Variants in IMMP2L observed in about 807,000 individuals in gnomAD.
The protein encoded by IMMP2L is mitochondrial inner membrane protease subunit 2.
A neutral mutation model predicts 19.3 loss-of-function variants in IMMP2L; 18 were observed. The ratio of observed to expected loss-of-function variants is 0.93; its 90% confidence interval spans 0.64 to 1.38. The LOEUF (loss-of-function observed/expected upper bound fraction) is 1.38. Among genes scored for constraint, IMMP2L ranks in the 40% most tolerant of loss-of-function variants. IMMP2L has a pLI of 0.00. For synonymous variants in IMMP2L, 76 were observed against 73.0 expected (o/e 1.04, Z -0.21); for missense variants, 233 against 218.2 (o/e 1.07, Z -0.43).
chr7:111,343,531 G>A (rs1827234612), intron 3 of IMMP2L, among the ~76,000 whole-genome samples: 2 of 152,136 alleles, frequency 1.3e-5, no homozygotes, highest in Admixed American at 6.6e-5. Context: ...CGCACCCAGT[G>A]CTTCACTCCT....
At chr7:111,093,673 A>G (rs759064499) in intron 3 of IMMP2L, among the ~76,000 whole-genome samples, 1 of 152,190 alleles carries the variant, frequency 6.6e-6, no homozygotes, top group Non-Finnish European at 1.5e-5. Flanking sequence ...TGCCCACTTC[A>G]GTCTGAGAAA....
At chr7:111,328,218 C>T (rs1825520779) in intron 3 of IMMP2L, among the ~76,000 whole-genome samples, 1 of 151,660 alleles carries the variant, frequency 6.6e-6, no homozygotes, top group Non-Finnish European at 1.5e-5. Flanking sequence ...GTCAATACAG[C>T]TGGGGTTCTT....
intron 3 of IMMP2L, among the ~76,000 whole-genome samples, chr7:111,312,456 A>G (rs1249781078): frequency 2.6e-5 from 4 of 152,182 alleles, no homozygotes; most frequent in African/African-American, 7.2e-5. Context: ...CTGCAATGAT[A>G]AAAGACAAGA....
intron 3 of IMMP2L, among the ~76,000 whole-genome samples, chr7:111,054,846 A>G (rs61554899): frequency 0.027 from 4,158 of 152,264 alleles, 183 homozygotes; most frequent in African/African-American, 0.095. Flanking sequence ...CGATGTGATA[A>G]ATTTAAAGAA....
intron 5 of IMMP2L, among the ~76,000 whole-genome samples, chr7:110,689,028 C>CCTG (rs1282639234): frequency 4.0e-5 from 6 of 149,598 alleles, no homozygotes; most frequent in Non-Finnish European, 7.4e-5. Flanking sequence ...AAAGTGTTGT[C>CCTG]CTGCAACCAA....
chr7:110,685,860 A>T (rs1047348250), intron 5 of IMMP2L, among the ~76,000 whole-genome samples: 1 of 152,124 alleles, frequency 6.6e-6, no homozygotes, highest in Non-Finnish European at 1.5e-5. Context: ...AATGAACAAA[A>T]GAAGAATGGA....
intron 5 of IMMP2L, among the ~76,000 whole-genome samples, chr7:110,815,273 G>T (rs1426677937): frequency 6.6e-6 from 1 of 152,094 alleles, no homozygotes; most frequent in Non-Finnish European, 1.5e-5. Flanking sequence ...TACATTTATT[G>T]ATTTGCGTAT....
At chr7:110,723,568 A>G (rs1052710473) in intron 5 of IMMP2L, among the ~76,000 whole-genome samples, 2 of 152,190 alleles carry the variant, frequency 1.3e-5, no homozygotes, top group Admixed American at 1.3e-4. Context: ...CTGATTAGCA[A>G]TTGTAGTAGT....
intron 3 of IMMP2L, among the ~76,000 whole-genome samples, chr7:110,966,616 T>A (rs949042692): frequency 6.6e-6 from 1 of 152,046 alleles, no homozygotes; most frequent in African/African-American, 2.4e-5. Context: ...GAGCTATCTA[T>A]ATAATTAAAG....
At chr7:110,800,906 CA>C in intron 5 of IMMP2L, among the ~76,000 whole-genome samples, 1 of 152,192 alleles carries the variant, frequency 6.6e-6, no homozygotes, top group East Asian at 1.9e-4. Context: ...CTCTATTCCA[CA>C]AGTCTTAGTC....
chr7:110,890,177 C>G (rs941891239), intron 4 of IMMP2L, among the ~76,000 whole-genome samples: 1 of 151,780 alleles, frequency 6.6e-6, no homozygotes. Context: ...TCTTTTTTTT[C>G]TTTTGCTCCT....
intron 5 of IMMP2L, among the ~76,000 whole-genome samples, chr7:110,879,653 A>T (rs1462038600): frequency 6.6e-6 from 1 of 152,134 alleles, no homozygotes; most frequent in Non-Finnish European, 1.5e-5. Context: ...CCATGTATAT[A>T]ATAGCTATTA....
chr7:110,918,164 G>A (rs982575295), intron 4 of IMMP2L, among the ~76,000 whole-genome samples: 1 of 152,078 alleles, frequency 6.6e-6, no homozygotes, highest in African/African-American at 2.4e-5. Context: ...TGATATTATA[G>A]CCTAAGATAG....
At chr7:110,880,915 A>G (rs1179789253) in intron 5 of IMMP2L, among the ~76,000 whole-genome samples, 1 of 152,144 alleles carries the variant, frequency 6.6e-6, no homozygotes, top group Non-Finnish European at 1.5e-5. Context: ...CATGTGGAAA[A>G]TGATTTCTAC....
intron 3 of IMMP2L, among the ~76,000 whole-genome samples, chr7:110,967,104 T>G (rs936064723): frequency 6.6e-6 from 1 of 152,090 alleles, no homozygotes; most frequent in African/African-American, 2.4e-5. Context: ...CTCCAGAGAC[T>G]TGGATGAGGA....
chr7:111,051,351 G>A (rs976572450), intron 3 of IMMP2L, among the ~76,000 whole-genome samples: 1 of 152,142 alleles, frequency 6.6e-6, no homozygotes, highest in African/African-American at 2.4e-5. Context: ...GCATAGGAAA[G>A]TCTTCAGGAA....
chr7:110,675,943 A>C (rs1361042876), intron 5 of IMMP2L, among the ~76,000 whole-genome samples: 1 of 152,168 alleles, frequency 6.6e-6, no homozygotes, highest in Non-Finnish European at 1.5e-5. Flanking sequence ...TTTATTGACT[A>C]TTGTTATACT....
In IMMP2L at chr7:111,257,761, T is replaced by A. The variant is rs115673098; in HGVS notation, c.239+229477A>T. Among the ~76,000 whole-genome samples, 647 of 152,218 alleles carry A rather than the reference T, an allele frequency of 4.3e-3. 4 individuals are homozygous for A. Among genetic ancestry groups the A allele is most frequent in the African/African-American group, 0.015 (626 of 41,538 alleles). On this transcript the variant is annotated intron_variant, in intron 3 of 5. Transcript: ENST00000405709. ...GTACAAAATATACGGCCTATACATC[T>A]TTTAAACACCTTTTTCTTTTTCTTT...
At chr7:111,048,878 G>T (rs112908773) in intron 3 of IMMP2L, among the ~76,000 whole-genome samples, 4 of 152,060 alleles carry the variant, frequency 2.6e-5, no homozygotes, top group Non-Finnish European at 5.9e-5. Flanking sequence ...CACCAAGCTG[G>T]TCGCTGTCCT....
Sources: allele counts gnomAD v4.1 joint callset (sites outside exome capture counted in the v4.1 genomes callset), GRCh38; gene constraint gnomAD v4.1.1; transcripts MANE v1.5; gene names NCBI Gene and HGNC (gene_info 2026-07-23, HGNC 2026-07-21).